DCC: variants seen among roughly 807,000 people sequenced by gnomAD.
DCC encodes the protein netrin receptor DCC.
DCC carries 58 observed loss-of-function variants against 172.5 expected under a neutral mutation model. The ratio of observed to expected loss-of-function variants is 0.34; its 90% CI spans 0.27 to 0.42. The LOEUF (loss-of-function observed/expected upper bound fraction) is 0.42. Among genes scored for constraint, DCC ranks in the 10% least tolerant of loss-of-function variants. The pLI is 1.00. For missense variants in DCC, 1,740 were observed against 1,791.0 expected (o/e 0.97, Z 0.51); for synonymous variants, 709 against 644.5 (o/e 1.10, Z -1.52).
At chr18:52,687,910 C>G (rs1263481344) in intron 1 of DCC, among the ~76,000 whole-genome samples, 1 of 152,020 alleles carries the variant, frequency 6.6e-6, no homozygotes, top group Non-Finnish European at 1.5e-5. Flanking sequence ...GAGAACAGTG[C>G]TTTTGTTTTC....
intron 2 of DCC, among the ~76,000 whole-genome samples, chr18:52,803,873 A>G (rs971787239): frequency 6.6e-6 from 1 of 152,164 alleles, no homozygotes; most frequent in African/African-American, 2.4e-5. Context: ...TTATTTAATC[A>G]TCAAAACAAC....
chr18:53,248,112 A>G (rs1371166888), intron 12 of DCC, among the ~76,000 whole-genome samples: 1 of 152,032 alleles, frequency 6.6e-6, no homozygotes, highest in Non-Finnish European at 1.5e-5. Context: ...TGGGTGTTCC[A>G]TAAATACAGA....
At chr18:52,402,022 T>C (rs897969922) in intron 1 of DCC, among the ~76,000 whole-genome samples, 1 of 152,000 alleles carries the variant, frequency 6.6e-6, no homozygotes, top group Non-Finnish European at 1.5e-5. Context: ...TTGACTGTCT[T>C]CAAATCGTTG....
intron 5 of DCC, among the ~76,000 whole-genome samples, chr18:53,020,941 T>A (rs192673279): frequency 6.6e-6 from 1 of 152,178 alleles, no homozygotes; most frequent in Admixed American, 6.5e-5. Flanking sequence ...TTCCAAGTTA[T>A]GAAACCTGGA....
At chr18:53,524,380 C>G (rs199498970) in intron 27 of DCC, among the ~76,000 whole-genome samples, 2 of 151,848 alleles carry the variant, frequency 1.3e-5, no homozygotes, top group East Asian at 3.9e-4. Context: ...GCAACAGTAT[C>G]AAATTCATAT....
intron 2 of DCC, among the ~76,000 whole-genome samples, chr18:52,898,954 C>G (rs188919560): frequency 6.6e-6 from 1 of 152,212 alleles, no homozygotes; most frequent in East Asian, 1.9e-4. Flanking sequence ...ATGAGGAAAT[C>G]CCATTCAAAA....
chr18:52,962,139 A>G (rs2040852392), intron 5 of DCC, among the ~76,000 whole-genome samples: 1 of 150,520 alleles, frequency 6.6e-6, no homozygotes, highest in Non-Finnish European at 1.5e-5. Flanking sequence ...GCTTCTGCAC[A>G]GCAAAAGAAA....
At chr18:52,844,066 T>G (rs2038847597) in intron 2 of DCC, among the ~76,000 whole-genome samples, 1 of 152,172 alleles carries the variant, frequency 6.6e-6, no homozygotes, top group Non-Finnish European at 1.5e-5. Context: ...TTGATCTCTC[T>G]TTGCCCAATT....
intron 22 of DCC, among the ~76,000 whole-genome samples, chr18:53,442,458 G>A (rs545744300): frequency 1.3e-5 from 2 of 152,154 alleles, no homozygotes; most frequent in Non-Finnish European, 2.9e-5. Flanking sequence ...GATCTTAACC[G>A]ATAAACTGTT....
intron 15 of DCC, among the ~76,000 whole-genome samples, chr18:53,375,900 C>T (rs2058105514): frequency 6.6e-6 from 1 of 151,994 alleles, no homozygotes; most frequent in Admixed American, 6.5e-5. Context: ...CATAATGGCT[C>T]AGAGGAAAAC....
intron 1 of DCC, among the ~76,000 whole-genome samples, chr18:52,680,955 G>T (rs1235593750): frequency 6.6e-6 from 1 of 152,014 alleles, no homozygotes; most frequent in African/African-American, 2.4e-5. Context: ...TTTTACATGG[G>T]TCCAACTATA....
At chr18:52,353,515 A>G (rs1015405513) in intron 1 of DCC, among the ~76,000 whole-genome samples, 3 of 152,078 alleles carry the variant, frequency 2.0e-5, no homozygotes, top group African/African-American at 7.2e-5. Context: ...CCCATACTGA[A>G]CCTCGCCTTT....
chr18:52,563,962 T>C (rs1325273358), intron 1 of DCC, among the ~76,000 whole-genome samples: 1 of 152,164 alleles, frequency 6.6e-6, no homozygotes, highest in African/African-American at 2.4e-5. Flanking sequence ...GGAACTTATG[T>C]AGAAAAGTAG....
chr18:52,775,019 A>T (rs544643445), intron 2 of DCC, among the ~76,000 whole-genome samples: 139 of 152,264 alleles, frequency 9.1e-4, no homozygotes, highest in Middle Eastern at 3.4e-3. Context: ...GAGTTTTTTA[A>T]AGCCCGGTGA....
chr18:53,129,235 A>G (rs2043615998), intron 7 of DCC, among the ~76,000 whole-genome samples: 1 of 152,000 alleles, frequency 6.6e-6, no homozygotes. Flanking sequence ...TTTAGATGTT[A>G]TCTATTGATT....
At chr18:53,207,186 A>G (rs2055666074) in intron 10 of DCC, among the ~76,000 whole-genome samples, 1 of 152,192 alleles carries the variant, frequency 6.6e-6, no homozygotes, top group South Asian at 2.1e-4. Context: ...TACTGCAGCC[A>G]TGAGAGGCTC....
chr18:52,781,622 A>T (rs760771307), intron 2 of DCC, among the ~76,000 whole-genome samples: 3,348 of 152,198 alleles, frequency 0.022, 60 homozygotes, highest in Non-Finnish European at 0.032. Flanking sequence ...TTCATCCTCC[A>T]GTCTGATCAG....
At chr18:52,477,743 A>G (rs909728868) in intron 1 of DCC, among the ~76,000 whole-genome samples, 1 of 152,188 alleles carries the variant, frequency 6.6e-6, no homozygotes, top group African/African-American at 2.4e-5. Flanking sequence ...AATGTTTGAC[A>G]ATCAGAACTC....
chr18:53,307,923 A>ATG (rs1658600108), intron 13 of DCC, among the ~76,000 whole-genome samples: 4 of 100,894 alleles, frequency 4.0e-5, no homozygotes, highest in South Asian at 3.0e-4. Flanking sequence ...ATATATATAT[A>ATG]TATATATATA....
Sources: allele counts gnomAD v4.1 joint callset (sites outside exome capture counted in the v4.1 genomes callset), GRCh38; gene constraint gnomAD v4.1.1; transcripts MANE v1.5; gene names NCBI Gene and HGNC (gene_info 2026-07-23, HGNC 2026-07-21).